MTA3: variants seen among roughly 807,000 people sequenced by gnomAD.
The protein encoded by MTA3 is metastasis-associated protein MTA3.
In MTA3, 34 loss-of-function variants were observed where a neutral mutation model predicts 83.5. That is an observed-to-expected ratio of 0.41 (90% CI 0.31 to 0.54). The LOEUF (loss-of-function observed/expected upper bound fraction) is 0.54, where lower values mean the gene tolerates loss of function less well. MTA3 is among the 20% of genes least tolerant of loss of function. The pLI is 0.33. For synonymous variants in MTA3, 303 were observed against 252.7 expected (o/e 1.20, Z -1.89); for missense variants, 761 against 726.4 (o/e 1.05, Z -0.55).
chr2:42,520,825 C>T (rs117946989), intron 2 of MTA3, among the ~76,000 whole-genome samples: 1,893 of 152,260 alleles, frequency 0.012, 38 homozygotes, highest in South Asian at 0.064. Context: ...CTTGTCTTCC[C>T]AAAGTGCTGG....
At chr2:42,601,760 A>C (rs1466459132) in intron 3 of MTA3, among the ~76,000 whole-genome samples, 1 of 151,760 alleles carries the variant, frequency 6.6e-6, no homozygotes, top group Non-Finnish European at 1.5e-5. Flanking sequence ...GCTCACTGCA[A>C]CCTCCACCTT....
intron 2 of MTA3, among the ~76,000 whole-genome samples, chr2:42,536,893 T>A (rs925472892): frequency 6.8e-6 from 1 of 147,032 alleles, no homozygotes; most frequent in African/African-American, 2.5e-5. Flanking sequence ...TATATAGTGG[T>A]CCCTCATGTC....
intron 8 of MTA3, among the ~76,000 whole-genome samples, chr2:42,665,092 T>A (rs1690109656): frequency 6.6e-6 from 1 of 152,192 alleles, no homozygotes; most frequent in Admixed American, 6.6e-5. Context: ...AGATCTGTTT[T>A]ATACAATATA....
intron 7 of MTA3, among the ~76,000 whole-genome samples, chr2:42,656,807 T>C (rs1689211054): frequency 6.6e-6 from 1 of 152,218 alleles, no homozygotes; most frequent in South Asian, 2.1e-4. Flanking sequence ...AGAATTTTAT[T>C]TTTATTTAAA....
chr2:42,727,054 G>T (rs1292706274), intron 16 of MTA3, among the ~76,000 whole-genome samples: 1 of 152,144 alleles, frequency 6.6e-6, no homozygotes, highest in Non-Finnish European at 1.5e-5. Flanking sequence ...AAATTAGCTG[G>T]ATGTAGTGGC....
intron 2 of MTA3, among the ~76,000 whole-genome samples, chr2:42,499,686 G>A (rs1218114768): frequency 2.0e-5 from 3 of 151,652 alleles, no homozygotes; most frequent in African/African-American, 4.8e-5. Context: ...TACTTGGGGA[G>A]GCTGAGCAGG....
intron 15 of MTA3, among the ~76,000 whole-genome samples, chr2:42,720,183 T>A (rs201656437): frequency 2.2e-4 from 18 of 80,370 alleles, no homozygotes; most frequent in African/African-American, 5.1e-4. Context: ...TTATTTATTT[T>A]ATTTATTTAT....
intron 3 of MTA3, among the ~76,000 whole-genome samples, chr2:42,600,184 C>T (rs543349387): frequency 5.7e-4 from 87 of 152,110 alleles, no homozygotes; most frequent in African/African-American, 2.1e-3. Flanking sequence ...GGCAACAGAG[C>T]GAGACTCTGT....
At chr2:42,644,502 T>C (rs1018975593) in intron 6 of MTA3, among the ~76,000 whole-genome samples, 3 of 152,200 alleles carry the variant, frequency 2.0e-5, no homozygotes, top group African/African-American at 7.2e-5. Context: ...GATGCTATTA[T>C]AGGTGTGGCC....
chr2:42,706,847 C>G (rs1666133001), intron 12 of MTA3, among the ~76,000 whole-genome samples: 2 of 152,158 alleles, frequency 1.3e-5, no homozygotes, highest in African/African-American at 2.4e-5. Flanking sequence ...GATTTAGAGT[C>G]TTGAAAGGGA....
At chr2:42,571,901 C>G (rs1678528367) in intron 2 of MTA3, among the ~76,000 whole-genome samples, 1 of 150,656 alleles carries the variant, frequency 6.6e-6, no homozygotes, top group Non-Finnish European at 1.5e-5. Flanking sequence ...GAGCCAAGAT[C>G]ACGCCATTGC....
chr2:42,594,698 A>AT (rs1681489419), intron 3 of MTA3, among the ~76,000 whole-genome samples: 1 of 81,878 alleles, frequency 1.2e-5, no homozygotes, highest in Non-Finnish European at 2.2e-5. Context: ...ATACATATAT[A>AT]AATATACATA....
At chr2:42,503,636 A>C (rs538683388) in intron 2 of MTA3, among the ~76,000 whole-genome samples, 3 of 152,278 alleles carry the variant, frequency 2.0e-5, no homozygotes, top group South Asian at 2.1e-4. Flanking sequence ...ACCTTGAAGG[A>C]GCTCAAGAAT....
At chr2:42,538,733 GA>G (rs1418506394) in intron 2 of MTA3, among the ~76,000 whole-genome samples, 1 of 140,014 alleles carries the variant, frequency 7.1e-6, no homozygotes, top group Non-Finnish European at 1.5e-5. Flanking sequence ...AAAAGAAAAA[GA>G]AAAGAAAAGA....
chr2:42,727,479 A>G (rs1003501667), intron 16 of MTA3, among the ~76,000 whole-genome samples: 2 of 152,206 alleles, frequency 1.3e-5, no homozygotes, highest in East Asian at 3.9e-4. Flanking sequence ...GGTTAACTCC[A>G]AGTGGCTGTG....
At chr2:42,666,487 C>T (rs1234558302) in intron 8 of MTA3, among the ~76,000 whole-genome samples, 1 of 152,102 alleles carries the variant, frequency 6.6e-6, no homozygotes, top group Non-Finnish European at 1.5e-5. Context: ...CCAGGCTGTA[C>T]CCTTCCTTTG....
chr2:42,607,721 T>G (rs1160463712), intron 3 of MTA3, among the ~76,000 whole-genome samples: 1 of 152,138 alleles, frequency 6.6e-6, no homozygotes, highest in Non-Finnish European at 1.5e-5. Flanking sequence ...CACACCGAGG[T>G]GGACAGATTG....
intron 6 of MTA3, among the ~76,000 whole-genome samples, chr2:42,649,443 C>T (rs141277833): frequency 5.9e-5 from 9 of 151,860 alleles, no homozygotes; most frequent in African/African-American, 1.4e-4. Context: ...TCACCAGTCA[C>T]ACTCTTTGAG....
At chr2:42,617,427 T>TA in intron 4 of MTA3, among the ~76,000 whole-genome samples, 1 of 152,136 alleles carries the variant, frequency 6.6e-6, no homozygotes, top group Non-Finnish European at 1.5e-5. Flanking sequence ...TGTTTTGATA[T>TA]AAAAAAAGCA....
Sources: gnomAD v4.1 joint callset for allele counts (sites outside exome capture counted in the v4.1 genomes callset) on GRCh38, gnomAD v4.1.1 for gene constraint, MANE v1.5 for transcripts, NCBI Gene and HGNC (gene_info 2026-07-23, HGNC 2026-07-21) for gene names.